PNISR: variants seen among roughly 807,000 people sequenced by gnomAD.
PNISR encodes PNN interacting serine and arginine rich protein, also known as arginine/serine-rich protein PNISR.
In PNISR, 20 loss-of-function variants were observed where a neutral mutation model predicts 93.4. The observed-to-expected ratio is 0.21, with a 90% CI of 0.15 to 0.31. The LOEUF (loss-of-function observed/expected upper bound fraction) is 0.31. Ranked by LOEUF, PNISR falls within the 10% of genes least tolerant of loss-of-function variation. The pLI is 1.00. For missense variants in PNISR, 893 were observed against 985.4 expected, an observed-to-expected ratio of 0.91 and a Z score of 1.25; for synonymous variants, 305 against 306.5, an observed-to-expected ratio of 0.99 and a Z score of 0.05.
rs111379678 is a variant in PNISR, at chr6:99,398,624, T to C, written c.*1916A>G. On this transcript the variant is annotated 3_prime_UTR_variant, in exon 12 of 12. Transcript: ENST00000369239. ...ACTACTTTTGGCTCTAGTTCATAAC[T>C]TGCCCAAAAATGTGCATATCATAGC... is the stretch of plus-strand genomic sequence containing the variant. 4.6e-5 allele frequency: 7 copies of C among 152,242 alleles called. No individual in the cohort carries two copies. Among genetic ancestry groups the C allele is most frequent in the South Asian group, 2.1e-4 (1 of 4,828 alleles). The allele number at this position is 152,242 out of a possible 1,614,324, so 9.4% of individuals were successfully genotyped here.
intron 1 of PNISR, among the ~76,000 whole-genome samples, chr6:99,420,634 A>G (rs1778431408): frequency 6.6e-6 from 1 of 152,262 alleles, no homozygotes; most frequent in Admixed American, 6.5e-5. Context: ...ATCAATGGAT[A>G]CATATTTTAA....
rs1289863711 is a variant in PNISR at position 99,398,347 on chromosome 6, G to A, written c.*2193C>T. The A allele has an allele frequency of 2.0e-5, 3 of 152,000 alleles. No individual in the cohort carries two copies. The highest frequency in any genetic ancestry group is 4.4e-5 in the Non-Finnish European group (3 of 67,944). The allele number at this position is 152,000 out of a possible 1,614,324, so 9.4% of individuals were successfully genotyped here. A position where few individuals can be genotyped will look rare whatever the true frequency, so the allele number is the denominator to read the frequency against. ...CTAATTAACTTATGTGTAAGTTTTTGCATTCACATCCTAAATCATGGAAAC... is the reference window on the plus strand; with the variant it reads ...CTAATTAACTTATGTGTAAGTTTTTACATTCACATCCTAAATCATGGAAAC... On this transcript the variant is annotated 3_prime_UTR_variant, in exon 12 of 12. Coordinates refer to ENST00000369239, the MANE Select transcript of PNISR (RefSeq NM_032870.4).
intron 1 of PNISR, among the ~76,000 whole-genome samples, chr6:99,423,638 A>C (rs952100772): frequency 6.6e-6 from 1 of 152,222 alleles, no homozygotes; most frequent in Non-Finnish European, 1.5e-5. Context: ...ATAGTCCGTA[A>C]GGCCATTTTA....
At chr6:99,412,882 T>C in intron 3 of PNISR, 143 bp from the exon 4 acceptor site, 1 of 482,506 alleles carries the variant, frequency 2.1e-6, no homozygotes, top group Non-Finnish European at 3.6e-6. Context: ...AGAAAAATTT[T>C]TTTTGAATGA....
At chr6:99,413,677 T>C (rs781585249) in intron 3 of PNISR, among the ~76,000 whole-genome samples, 1 of 152,234 alleles carries the variant, frequency 6.6e-6, no homozygotes, top group Non-Finnish European at 1.5e-5. Context: ...TAATAATTTT[T>C]ATTTTGCAAG....
intron 1 of PNISR, among the ~76,000 whole-genome samples, chr6:99,417,161 T>C (rs1777809999): frequency 1.3e-5 from 2 of 152,224 alleles, no homozygotes; most frequent in Admixed American, 1.3e-4. Flanking sequence ...ATACAGACAT[T>C]ATCAACAGCT....
intron 4 of PNISR, chr6:99,412,310 CCT>C (rs1410528061): frequency 3.2e-6 from 2 of 628,266 alleles, no homozygotes; most frequent in African/African-American, 1.8e-5. Context: ...GTTCCCAGCC[CCT>C]GTCAGCCTAG....
Position 99,404,700 on chromosome 6 carries a change from C to A in PNISR, c.1005G>T (p.Met335Ile). The A allele has an allele frequency of 2.0e-6, 3 of 1,529,936 alleles. No homozygotes were observed. The highest frequency in any genetic ancestry group is 1.7e-5 in the Admixed American group (1 of 59,402). The allele number at this position is 1,529,936 out of a possible 1,614,324, so 94.8% of individuals were successfully genotyped here. A position where few individuals can be genotyped will look rare whatever the true frequency, so the allele number is the denominator to read the frequency against. The part of the protein sequence containing the change: ...MTEEEKEYQM[M>I]LLTKMLLTEI... ...CTGTTAGAAGCATTTTTGTCAGCAA[C>A]ATCTAAAAAAGAGCATTTTATACAG... is the stretch of plus-strand genomic sequence containing the variant. The change falls in exon 9 of 12, where the codon ATG becomes ATT. Residue 335 changes from methionine (M) to isoleucine (I), a missense_variant and splice_region_variant. By Grantham distance (10) the Met-to-Ile change is conservative. Around this residue, in one of 3 missense-constraint regions of PNISR, gnomAD observed 866 missense variants for 935.1 expected, o/e 0.93. Transcript: ENST00000369239.
chr6:99,425,136 AT>A (rs1325069697), intron 1 of PNISR, 78 bp downstream of exon 1: 13 of 986,718 alleles, frequency 1.3e-5, no homozygotes, highest in Non-Finnish European at 1.3e-5. Context: ...ATTTTAAGTT[AT>A]GCTACCTTCG....
intron 1 of PNISR, among the ~76,000 whole-genome samples, chr6:99,423,395 A>G (rs764874773): frequency 6.6e-6 from 1 of 152,234 alleles, no homozygotes; most frequent in African/African-American, 2.4e-5. Flanking sequence ...ACCCTAACTG[A>G]GGAAGAGCAC....
At chr6:99,413,386 G>GTATC (rs956059207) in intron 3 of PNISR, among the ~76,000 whole-genome samples, 5 of 134,248 alleles carry the variant, frequency 3.7e-5, no homozygotes, top group South Asian at 4.7e-4. Flanking sequence ...AAATTTTTAC[G>GTATC]TATCTATCCA....
At position 99,402,621 on chromosome 6, in the gene PNISR, G is replaced by A. The variant is rs1402025265; in HGVS notation, c.1246C>T (p.Arg416Trp). 8.7e-6 allele frequency: 14 copies of A among 1,613,176 alleles called. No individual in the cohort carries two copies. The highest frequency in any genetic ancestry group is 3.3e-5 in the Admixed American group (2 of 59,988). Residue 416 changes from arginine (R) to tryptophan (W), a missense_variant, in exon 11 of 12, where the codon CGG (arginine) becomes TGG (tryptophan). By Grantham distance (101) the Arg-to-Trp change is moderately radical. Transcript: ENST00000369239. ...ESSDTDDEELRHRIRQKQEAF... is the reference protein window; with the variant it reads ...ESSDTDDEELWHRIRQKQEAF... ...TCCTGTTTTTGCCGGATTCGATGCCGTAATTCTTCATCATCAGTGTCAGAT... is the reference window on the plus strand; with the variant it reads ...TCCTGTTTTTGCCGGATTCGATGCCATAATTCTTCATCATCAGTGTCAGAT...
rs1180003763 is a variant in PNISR at position 99,399,334 on chromosome 6, C to T, written c.*1206G>A. On this transcript the variant is annotated 3_prime_UTR_variant, in exon 12 of 12. Coordinates refer to ENST00000369239, the MANE Select transcript of PNISR (RefSeq NM_032870.4). Reference sequence around the variant, plus strand: ...CAATGCCTTAAACTGTTAGACCACTCACTAATCATAATTTTAAGAAACGGA... The same window carrying T: ...CAATGCCTTAAACTGTTAGACCACTTACTAATCATAATTTTAAGAAACGGA... 1 of 152,056 alleles carries T rather than the reference C, an allele frequency of 6.6e-6. No individual in the cohort carries two copies. Among genetic ancestry groups the T allele is most frequent in the African/African-American group, 2.4e-5 (1 of 41,428 alleles). 9.4% of individuals were successfully genotyped at this position (152,056 alleles called of 1,614,324 possible). A position where few individuals can be genotyped will look rare whatever the true frequency, so the allele number is the denominator to read the frequency against.
Position 99,399,430 on chromosome 6 carries a change from G to T in PNISR, c.*1110C>A, listed in dbSNP as rs994555226. 23 of 152,132 alleles carry T rather than the reference G, an allele frequency of 1.5e-4. No individual in the cohort carries two copies. Among genetic ancestry groups the T allele is most frequent in the Admixed American group, 1.3e-3 (20 of 15,274 alleles). 9.4% of individuals were successfully genotyped at this position (152,132 alleles called of 1,614,324 possible). A position where few individuals can be genotyped will look rare whatever the true frequency, so the allele number is the denominator to read the frequency against. ...TAATACAGCATTCCTCCATTGATTT[G>T]AGGTCATATTATACTTTAAAAATAT... On this transcript the variant is annotated 3_prime_UTR_variant, in exon 12 of 12. Transcript: ENST00000369239.
In PNISR at chr6:99,409,153, A is replaced by C. The variant is rs750933464; in HGVS notation, c.673+20T>G. The C allele has an allele frequency of 6.2e-7, 1 of 1,605,152 alleles. No homozygotes were observed. The highest frequency in any genetic ancestry group is 8.5e-7 in the Non-Finnish European group (1 of 1,172,396). ...AAAGTCATGCCAATTGTGGTCCACT[A>C]AACTAAGTTAAATAGCTACCAATTT... On this transcript the variant is annotated intron_variant, in intron 6 of 11. Transcript: ENST00000369239.
intron 1 of PNISR, among the ~76,000 whole-genome samples, chr6:99,419,473 C>G (rs377371551): frequency 2.0e-5 from 3 of 151,634 alleles, no homozygotes; most frequent in Non-Finnish European, 2.9e-5. Context: ...CTGCATTAAG[C>G]GAAAAAAAGG....
chr6:99,410,745 T>C lies in PNISR; in HGVS notation c.497A>G (p.Tyr166Cys). ...FAVGPVNQFD[Y>C]QHGAAFGPPQ... Reference sequence around the variant, plus strand: ...AAGCAACAAAATATCTTTCACCTGATAGTCAAACTGGTTCACTGGCCCCAC... The same window carrying C: ...AAGCAACAAAATATCTTTCACCTGACAGTCAAACTGGTTCACTGGCCCCAC... The change falls in exon 5 of 12, where the codon TAT becomes TGT. Residue 166 changes from tyrosine to cysteine, a missense_variant. By Grantham distance (194) the Tyr-to-Cys change is radical. Coordinates refer to ENST00000369239, the MANE Select transcript of PNISR (RefSeq NM_032870.4). The C allele has an allele frequency of 1.2e-6, 2 of 1,610,664 alleles. No homozygotes were observed. Among genetic ancestry groups the C allele is most frequent in the Non-Finnish European group, 8.5e-7 (1 of 1,176,956 alleles).
intron 11 of PNISR, 72 bp downstream of exon 11, chr6:99,402,468 T>A: frequency 9.4e-7 from 1 of 1,066,546 alleles, no homozygotes; most frequent in Non-Finnish European, 1.3e-6. Flanking sequence ...TCCTTTGATA[T>A]TTTTAGGTTA....
intron 11 of PNISR, 61 bp downstream of exon 11, chr6:99,402,479 G>C (rs1469628107): frequency 9.3e-7 from 1 of 1,080,604 alleles, no homozygotes; most frequent in African/African-American, 1.6e-5. Context: ...TTTTAGGTTA[G>C]TTAAAAAATA....
Sources: allele counts gnomAD v4.1 joint callset (sites outside exome capture counted in the v4.1 genomes callset), GRCh38; gene constraint gnomAD v4.1.1; regional missense constraint gnomAD v4.1.1; transcripts MANE v1.5; gene names NCBI Gene and HGNC (gene_info 2026-07-23, HGNC 2026-07-21).